The following DPP6 variants were observed in gnomAD, a reference collection of about 807,000 sequenced individuals.
The protein encoded by DPP6 is A-type potassium channel modulatory protein DPP6.
In DPP6, 69 loss-of-function variants were observed where a neutral mutation model predicts 122.6. That is an observed-to-expected ratio of 0.56 (90% CI 0.46 to 0.69). DPP6 has a LOEUF of 0.69. Ranked by LOEUF, DPP6 falls within the 30% of genes least tolerant of loss-of-function variation. DPP6 has a pLI of 0.00. For synonymous variants in DPP6, 418 were observed against 433.1 expected (o/e 0.97, Z 0.43); for missense variants, 928 against 1,116.9 (o/e 0.83, Z 2.41).
the DPP6 span, among the ~76,000 whole-genome samples, chr7:153,843,780 C>A: frequency 6.6e-6 from 1 of 152,140 alleles, no homozygotes; most frequent in Non-Finnish European, 1.5e-5. Context: ...TTTCCATAAC[C>A]TATGATTAGC....
intron 4 of DPP6, among the ~76,000 whole-genome samples, chr7:154,546,958 C>G (rs1829246172): frequency 6.6e-6 from 1 of 152,250 alleles, no homozygotes; most frequent in African/African-American, 2.4e-5. Context: ...CGCTAGTCCT[C>G]TCAGCCCTGA....
chr7:154,352,902 T>A (rs1194854513), intron 1 of DPP6, among the ~76,000 whole-genome samples: 2 of 152,256 alleles, frequency 1.3e-5, no homozygotes, highest in African/African-American at 2.4e-5. Flanking sequence ...TGCTTTAATT[T>A]GTTTGTTTTT....
At chr7:153,816,347 A>G in the DPP6 span, among the ~76,000 whole-genome samples, 22 of 152,094 alleles carry the variant, frequency 1.4e-4, no homozygotes, top group South Asian at 4.2e-3. Context: ...GATCAAACAA[A>G]TTAAAAAATC....
chr7:154,439,377 G>T (rs1038702158), intron 1 of DPP6, among the ~76,000 whole-genome samples: 1 of 152,188 alleles, frequency 6.6e-6, no homozygotes, highest in Admixed American at 6.5e-5. Flanking sequence ...CACTGAAAGG[G>T]ATTTCTCTTG....
intron 3 of DPP6, among the ~76,000 whole-genome samples, chr7:154,525,546 T>C (rs1827336804): frequency 6.6e-6 from 1 of 152,222 alleles, no homozygotes; most frequent in Non-Finnish European, 1.5e-5. Context: ...GTTTATTTTC[T>C]TGGAATGATG....
chr7:154,882,978 A>C (rs898095189), intron 21 of DPP6, among the ~76,000 whole-genome samples: 1 of 152,050 alleles, frequency 6.6e-6, no homozygotes, highest in East Asian at 1.9e-4. Context: ...TCTACACTCC[A>C]TGCTCCCAAC....
Position 154,282,192 on chromosome 7 carries a change from A to G in DPP6, c.244-164022A>G, listed in dbSNP as rs1467028996. ...TATTCTTTTTTCCCCTCCCTATTCC[A>G]TTCTCTCTGTGGCCCCATAGAGAAG... On this transcript the variant is annotated intron_variant, in intron 1 of 25. Coordinates refer to ENST00000377770, the MANE Select transcript of DPP6 (RefSeq NM_130797.4). This position sits in a 1 kb window ranked among gnomAD's most constrained non-coding sequence, Gnocchi z 4.8. 6.6e-6 allele frequency among the ~76,000 whole-genome samples: 1 copy of G among 151,464 alleles called. No homozygotes were observed. The highest frequency in any genetic ancestry group is 6.6e-5 in the Admixed American group (1 of 15,214).
intron 1 of DPP6, among the ~76,000 whole-genome samples, chr7:153,956,066 A>G (rs1802447167): frequency 6.6e-6 from 1 of 152,218 alleles, no homozygotes; most frequent in South Asian, 2.1e-4. Flanking sequence ...CTGCAAAAGT[A>G]CCGGATGGAG....
intron 1 of DPP6, among the ~76,000 whole-genome samples, chr7:154,356,852 TAGAA>T (rs956266865): frequency 2.6e-5 from 4 of 151,880 alleles, no homozygotes; most frequent in Admixed American, 6.6e-5. Flanking sequence ...GAATAGCAAA[TAGAA>T]AGAATTAAAA....
intron 3 of DPP6, among the ~76,000 whole-genome samples, chr7:154,490,820 T>A (rs752822732): frequency 2.6e-5 from 4 of 152,214 alleles, no homozygotes; most frequent in Non-Finnish European, 5.9e-5. Flanking sequence ...GAGCCTCTGC[T>A]GCTTAGTTCT....
At chr7:154,545,319 C>T (rs1303185944) in intron 4 of DPP6, among the ~76,000 whole-genome samples, 3 of 151,992 alleles carry the variant, frequency 2.0e-5, no homozygotes, top group South Asian at 2.1e-4. Context: ...ACAAATATAT[C>T]TCATGGTCCA....
intron 1 of DPP6, among the ~76,000 whole-genome samples, chr7:154,105,284 C>T (rs564978451): frequency 1.3e-3 from 199 of 152,220 alleles, no homozygotes; most frequent in African/African-American, 2.8e-3. Flanking sequence ...ACATCATTAA[C>T]GAGGAGAGGG....
chr7:154,320,205 T>C (rs1474436196), intron 1 of DPP6, among the ~76,000 whole-genome samples: 1 of 152,126 alleles, frequency 6.6e-6, no homozygotes, highest in Non-Finnish European at 1.5e-5. Context: ...ACGTTTGTTT[T>C]TTCCACTCCG....
intron 1 of DPP6, among the ~76,000 whole-genome samples, chr7:154,429,254 TG>T (rs1230857465): frequency 6.6e-6 from 1 of 151,996 alleles, no homozygotes; most frequent in Non-Finnish European, 1.5e-5. Flanking sequence ...TCCATCCAGC[TG>T]GTCAGTGGAA....
In DPP6 at chr7:154,604,893, T is replaced by C; in HGVS notation, c.628-32928T>C. 1.7e-5 allele frequency among the ~76,000 whole-genome samples: 2 copies of C among 120,630 alleles called. 1 individual carries two copies. The highest frequency in any genetic ancestry group is 7.1e-4 in the East Asian group (2 of 2,830). 79.1% of individuals were successfully genotyped at this position (120,630 alleles called of 152,430 possible). Reference sequence around the variant, plus strand: ...TTGTTTGTTTTGTGTCTTCCTACACTGGCTACTCTTTTCCATCCAATGTTA... The same window carrying C: ...TTGTTTGTTTTGTGTCTTCCTACACCGGCTACTCTTTTCCATCCAATGTTA... On this transcript the variant is annotated intron_variant, in intron 5 of 25. Transcript: ENST00000377770.
At chr7:154,506,283 A>T (rs1267595745) in intron 3 of DPP6, among the ~76,000 whole-genome samples, 1 of 151,856 alleles carries the variant, frequency 6.6e-6, no homozygotes, top group Non-Finnish European at 1.5e-5. Context: ...CACAGTTGAT[A>T]TTGGATGATA....
intron 1 of DPP6, among the ~76,000 whole-genome samples, chr7:154,114,753 T>G (rs4400300): frequency 0.61 from 92,110 of 152,018 alleles, 30,218 homozygotes; most frequent in East Asian, 0.83. Flanking sequence ...AGAGTTCCAC[T>G]TTTGGAAGTG....
At chr7:154,144,415 A>G (rs1001716687) in intron 1 of DPP6, among the ~76,000 whole-genome samples, 22 of 152,116 alleles carry the variant, frequency 1.4e-4, no homozygotes, top group African/African-American at 4.8e-4. Context: ...AAATTTACCA[A>G]TCTTTTCAAT....
intron 1 of DPP6, among the ~76,000 whole-genome samples, chr7:154,431,331 C>T (rs1024598854): frequency 1.3e-4 from 20 of 152,160 alleles, no homozygotes; most frequent in African/African-American, 4.6e-4. Flanking sequence ...GCCTGCTCCA[C>T]ACCACCCACA....
Sources: allele counts gnomAD v4.1 joint callset (sites outside exome capture counted in the v4.1 genomes callset), GRCh38; gene constraint gnomAD v4.1.1; non-coding constraint Gnocchi (gnomAD v3.1); transcripts MANE v1.5; gene names NCBI Gene and HGNC (gene_info 2026-07-23, HGNC 2026-07-21).